Variants in BSN observed in about 807,000 individuals in gnomAD.
BSN encodes the protein protein bassoon.
BSN carries 57 observed loss-of-function variants against 264.8 expected under a neutral mutation model. That is an observed-to-expected ratio of 0.22 (90% CI 0.17 to 0.27). The LOEUF is 0.27. Among genes scored for constraint, BSN ranks in the 10% least tolerant of loss-of-function variants. BSN has a pLI of 1.00. For missense variants in BSN, 4,615 were observed against 5,232.5 expected (o/e 0.88, Z 3.64); for synonymous variants, 2,059 against 2,137.3 (o/e 0.96, Z 1.01).
chr3:49,653,344 C>T lies in BSN; in HGVS notation c.3788C>T (p.Thr1263Ile). The change falls in exon 5 of 12, where the codon ACA becomes ATA. Residue 1263 changes from threonine (T) to isoleucine (I), a missense_variant. Thr to Ile is a moderately conservative substitution (Grantham distance 89). This residue lies in a region of BSN where 3,415 missense variants were observed against 3,866.4 expected (regional missense o/e 0.88). Coordinates refer to ENST00000296452, the MANE Select transcript of BSN (RefSeq NM_003458.4). This position sits in a 1 kb window ranked among gnomAD's most constrained non-coding sequence, Gnocchi z 6.3. ...GCCGTGTACGAAGAAATCCTTCAGACATCACAGAGCATAGTCCGCATGCGG... is the reference window on the plus strand; with the variant it reads ...GCCGTGTACGAAGAAATCCTTCAGATATCACAGAGCATAGTCCGCATGCGG... Reference protein sequence around the residue: ...GAAVYEEILQTSQSIVRMRQA... With the variant: ...GAAVYEEILQISQSIVRMRQA... 1.2e-6 allele frequency: 2 copies of T among 1,611,978 alleles called. No individual in the cohort carries two copies. The highest frequency in any genetic ancestry group is 1.3e-5 in the African/African-American group (1 of 75,020).
chr3:49,643,609 A>G (rs2052484869), intron 3 of BSN, among the ~76,000 whole-genome samples: 2 of 152,160 alleles, frequency 1.3e-5, no homozygotes, highest in Admixed American at 6.5e-5. Context: ...CTTTCTCACA[A>G]TGGGGCAGGG....
chr3:49,589,016 G>T (rs1166642050), intron 1 of BSN, among the ~76,000 whole-genome samples: 1 of 150,726 alleles, frequency 6.6e-6, no homozygotes, highest in East Asian at 1.9e-4. Context: ...CCGCGTTTAC[G>T]CCATTCTCCT....
In BSN at chr3:49,657,546, G is replaced by A. The variant is rs201319357; in HGVS notation, c.7990G>A (p.Val2664Met). Residue 2664 changes from valine (V) to methionine (M), a missense_variant, in exon 5 of 12, where the codon GTG becomes ATG. Transcript: ENST00000296452. ...TGCCACTGTGAGGGCCATGAGCAGC[G>A]TGGGCATCCAGACCATCAGTGACTG... is the stretch of plus-strand genomic sequence containing the variant. ...AAATVRAMSS[V>M]GIQTISDCSV... 4.2e-5 allele frequency: 67 copies of A among 1,613,106 alleles called. No individual in the cohort carries two copies. The highest frequency in any genetic ancestry group is 5.0e-5 in the Non-Finnish European group (59 of 1,180,034).
chr3:49,578,204 AC>A (rs1425810116), intron 1 of BSN, among the ~76,000 whole-genome samples: 1 of 151,810 alleles, frequency 6.6e-6, no homozygotes, highest in Non-Finnish European at 1.5e-5. Context: ...CTTGTTGCCC[AC>A]CTAGGATGGT....
rs1421082608 is a variant in BSN, at chr3:49,653,286, G to A, written c.3730G>A (p.Ala1244Thr). 6.2e-7 allele frequency: 1 copy of A among 1,612,364 alleles called. No homozygotes were observed. Among genetic ancestry groups the A allele is most frequent in the Non-Finnish European group, 8.5e-7 (1 of 1,179,832 alleles). ...DREYGQAAQPAAEGTPASLGA... is the reference protein window; with the variant it reads ...DREYGQAAQPTAEGTPASLGA... The stretch of plus-strand genomic sequence containing the variant: ...TGAGTATGGCCAGGCTGCTCAGCCT[G>A]CCGCAGAGGGCACGCCAGCCAGCCT... Residue 1244 changes from alanine (A) to threonine (T), a missense_variant, in exon 5 of 12, where the codon GCC (alanine) becomes ACC (threonine). Transcript: ENST00000296452. The surrounding 1 kb of genome is among the most constrained non-coding windows in gnomAD (Gnocchi z 6.3).
At chr3:49,633,843 A>G (rs1052528381) in intron 2 of BSN, among the ~76,000 whole-genome samples, 1 of 152,244 alleles carries the variant, frequency 6.6e-6, no homozygotes, top group Non-Finnish European at 1.5e-5. Flanking sequence ...TCACAAAAAG[A>G]CAAATATGAG....
Position 49,638,557 on chromosome 3 carries a change from T to C in BSN, c.634-3711T>C, listed in dbSNP as rs2052437009. Among the ~76,000 whole-genome samples, 1 of 152,158 alleles carries C rather than the reference T, an allele frequency of 6.6e-6. No homozygotes were observed. The highest frequency in any genetic ancestry group is 6.5e-5 in the Admixed American group (1 of 15,278). ...TGCTGGGCCTGAGCCTGGGAGGGGC[T>C]GTGGGGAGGGTGCGGTCAAGGTTCC... On this transcript the variant is annotated intron_variant, in intron 2 of 11. Transcript: ENST00000296452. The surrounding 1 kb of genome is among the most constrained non-coding windows in gnomAD (Gnocchi z 4.3).
chr3:49,651,949 A>G lies in BSN; in HGVS notation c.2393A>G (p.Asp798Gly). 6.2e-7 allele frequency: 1 copy of G among 1,613,510 alleles called. No individual in the cohort carries two copies. The highest frequency in any genetic ancestry group is 8.5e-7 in the Non-Finnish European group (1 of 1,179,806). Residue 798 changes from aspartate (D) to glycine (G), a missense_variant, in exon 5 of 12, where the codon GAC (aspartate) becomes GGC (glycine). Asp to Gly is a moderately conservative substitution (Grantham distance 94). Around this residue, in one of 3 missense-constraint regions of BSN, gnomAD observed 1,197 missense variants for 1,348.0 expected, o/e 0.89. Coordinates refer to ENST00000296452, the MANE Select transcript of BSN (RefSeq NM_003458.4). The surrounding 1 kb of genome is among the most constrained non-coding windows in gnomAD (Gnocchi z 5.4). ...AEWRRRREQQ[D>G]TAESSDDFGS... ...TGGAGGCGCCGGAGAGAGCAGCAGGACACTGCCGAGTCCTCAGACGACTTT... is the reference window on the plus strand; with the variant it reads ...TGGAGGCGCCGGAGAGAGCAGCAGGGCACTGCCGAGTCCTCAGACGACTTT...
Position 49,650,973 on chromosome 3 carries a change from C to T in BSN, c.1880C>T (p.Thr627Ile), listed in dbSNP as rs773703533. ...ATGCCGAAGCCACCTCCAGAGACTA[C>T]CCCAACCCCTGCGACTCCTAAAGTA... ...EPMPKPPPET[T>I]PTPATPKVKS... The change falls in exon 4 of 12, where the codon ACC (threonine) becomes ATC (isoleucine). Residue 627 changes from threonine (T) to isoleucine (I), a missense_variant. Thr to Ile is a moderately conservative substitution (Grantham distance 89). Coordinates refer to ENST00000296452, the MANE Select transcript of BSN (RefSeq NM_003458.4). 1 of 1,614,156 alleles carries T rather than the reference C, an allele frequency of 6.2e-7. No individual in the cohort carries two copies. The highest frequency in any genetic ancestry group is 1.1e-5 in the South Asian group (1 of 91,086).
intron 1 of BSN, among the ~76,000 whole-genome samples, chr3:49,556,835 C>A (rs2051676283): frequency 6.6e-6 from 1 of 152,206 alleles, no homozygotes; most frequent in Non-Finnish European, 1.5e-5. Context: ...GAATGTGCTT[C>A]TGGGCATTCA....
chr3:49,561,543 AT>A (rs140416796), intron 1 of BSN, among the ~76,000 whole-genome samples: 6,287 of 152,220 alleles, frequency 0.041, 184 homozygotes, highest in Non-Finnish European at 0.064. Context: ...CATTAAAAAA[AT>A]TTTTTTAATT....
chr3:49,653,623 T>A lies in BSN; in HGVS notation c.4067T>A (p.Leu1356Gln). ...AAGGAGACTCAGGACCCCCTCAAGC[T>A]GCACAGCTCTCCTGCCTCCCCCAGC... is the stretch of plus-strand genomic sequence containing the variant. ...FAKETQDPLK[L>Q]HSSPASPSSA... Residue 1356 changes from leucine to glutamine, a missense_variant, in exon 5 of 12, where the codon CTG becomes CAG. By Grantham distance (113) the Leu-to-Gln change is moderately radical. This residue lies in a region of BSN where 3,415 missense variants were observed against 3,866.4 expected (regional missense o/e 0.88). Transcript: ENST00000296452. This position sits in a 1 kb window ranked among gnomAD's most constrained non-coding sequence, Gnocchi z 6.3. The A allele has an allele frequency of 1.2e-6, 2 of 1,613,742 alleles. No individual in the cohort carries two copies. The highest frequency in any genetic ancestry group is 1.7e-6 in the Non-Finnish European group (2 of 1,179,960).
chr3:49,574,279 TA>T (rs762633923), intron 1 of BSN, among the ~76,000 whole-genome samples: 45 of 152,096 alleles, frequency 3.0e-4, no homozygotes, highest in Non-Finnish European at 5.9e-4. Context: ...ATAGTACTTT[TA>T]AAAACATGTT....
chr3:49,671,131 CAT>C lies in BSN; in HGVS notation c.*3647_*3648del, dbSNP rs1649151324. On this transcript the variant is annotated 3_prime_UTR_variant, in exon 12 of 12. Coordinates refer to ENST00000296452, the MANE Select transcript of BSN (RefSeq NM_003458.4). The surrounding 1 kb of genome is among the most constrained non-coding windows in gnomAD (Gnocchi z 4.1). ...GATATTGTATGTGTATGCACATGAT[CAT>C]GTGTGTATGTGCGTGCGTGCGTGCG... 1.4e-5 allele frequency: 2 copies of C among 145,240 alleles called. No homozygotes were observed. Among genetic ancestry groups the C allele is most frequent in the Non-Finnish European group, 3.0e-5 (2 of 66,560 alleles). 9.0% of individuals were successfully genotyped at this position (145,240 alleles called of 1,614,324 possible).
rs1430939817 is a variant in BSN at position 49,663,006 on chromosome 3, C to A, written c.10848C>A (p.Ser3616Arg). 6.2e-7 allele frequency: 1 copy of A among 1,613,938 alleles called. No individual in the cohort carries two copies. Among genetic ancestry groups the A allele is most frequent in the Non-Finnish European group, 8.5e-7 (1 of 1,180,038 alleles). Reference protein sequence around the residue: ...SSQKRGPARHSYHDYDEPPEE... With the variant: ...SSQKRGPARHRYHDYDEPPEE... ...AGAAGCGAGGCCCTGCCAGGCACAG[C>A]TACCATGACTACGATGAACCCCCTG... Residue 3616 changes from serine to arginine, a missense_variant, in exon 7 of 12, where the codon AGC (serine) becomes AGA (arginine). Physicochemically the swap from Ser to Arg is moderately radical, Grantham distance 110. This residue lies in a region of BSN where 3,415 missense variants were observed against 3,866.4 expected (regional missense o/e 0.88). Transcript: ENST00000296452.
intron 1 of BSN, among the ~76,000 whole-genome samples, chr3:49,601,916 ATGAC>A (rs1306870058): frequency 2.0e-5 from 3 of 152,188 alleles, no homozygotes; most frequent in African/African-American, 7.2e-5. Context: ...GTTCTGTTCT[ATGAC>A]TGAGCTATAA....
intron 2 of BSN, among the ~76,000 whole-genome samples, chr3:49,626,128 G>C (rs1479866127): frequency 6.6e-6 from 1 of 152,222 alleles, no homozygotes; most frequent in Non-Finnish European, 1.5e-5. Flanking sequence ...GCTTTGTTCA[G>C]GATGCTTTGA....
At position 49,625,311 on chromosome 3, in the gene BSN, C is replaced by A; in HGVS notation, c.561C>A (p.Phe187Leu). The change falls in exon 2 of 12, where the codon TTC becomes TTA. Residue 187 changes from phenylalanine (F) to leucine (L), a missense_variant. Physicochemically the swap from Phe to Leu is conservative, Grantham distance 22. Around this residue, in one of 3 missense-constraint regions of BSN, gnomAD observed 1,197 missense variants for 1,348.0 expected, o/e 0.89. Coordinates refer to ENST00000296452, the MANE Select transcript of BSN (RefSeq NM_003458.4). The surrounding 1 kb of genome is among the most constrained non-coding windows in gnomAD (Gnocchi z 4.4). ...CGTCGACCCCCAGCCAGCCAAACTT[C>A]AACACCTGCACCCAGTGTCACAACA... ...DLTSTPSQPN[F>L]NTCTQCHNKV... is the part of the protein sequence containing the mutation. The A allele has an allele frequency of 1.3e-6, 2 of 1,597,822 alleles. No homozygotes were observed. Among genetic ancestry groups the A allele is most frequent in the Non-Finnish European group, 8.5e-7 (1 of 1,172,006 alleles).
intron 1 of BSN, among the ~76,000 whole-genome samples, chr3:49,565,313 A>ATTT (rs35209998): frequency 3.6e-5 from 2 of 55,022 alleles, no homozygotes; most frequent in Non-Finnish European, 6.4e-5. Context: ...CGCCCAGCTA[A>ATTT]TTTTTTTTTT....
Sources: allele counts gnomAD v4.1 joint callset (sites outside exome capture counted in the v4.1 genomes callset), GRCh38; gene constraint gnomAD v4.1.1; regional missense constraint gnomAD v4.1.1; non-coding constraint Gnocchi (gnomAD v3.1); transcripts MANE v1.5; gene names NCBI Gene and HGNC (gene_info 2026-07-23, HGNC 2026-07-21).